The following TNS4 variants were observed in gnomAD, a reference collection of about 807,000 sequenced individuals.
TNS4 encodes the protein tensin 4, also known as tensin-4.
TNS4 carries 46 observed loss-of-function variants against 70.4 expected under a neutral mutation model. The observed-to-expected ratio is 0.65, with a 90% CI of 0.52 to 0.84. The LOEUF (loss-of-function observed/expected upper bound fraction) is 0.84, where lower values mean the gene tolerates loss of function less well. TNS4 is among the 40% of genes least tolerant of loss of function. The pLI, the probability that TNS4 is intolerant of heterozygous loss-of-function variation, is 0.00. For synonymous variants in TNS4, 390 were observed against 366.6 expected, an observed-to-expected ratio of 1.06 and a Z score of -0.73; for missense variants, 863 against 907.0, an observed-to-expected ratio of 0.95 and a Z score of 0.62.
At chr17:40,493,109 G>A (rs1014930649) in intron 2 of TNS4, among the ~76,000 whole-genome samples, 1 of 152,116 alleles carries the variant, frequency 6.6e-6, no homozygotes, top group Admixed American at 6.5e-5. Flanking sequence ...CAAGGCTGCA[G>A]TGAGCTATGA....
chr17:40,485,588 T>A, intron 4 of TNS4, among the ~76,000 whole-genome samples: 1 of 152,360 alleles, frequency 6.6e-6, no homozygotes, highest in East Asian at 1.9e-4. Context: ...GGGTCTTTAA[T>A]GTTCTAGTAG....
At position 40,482,324 on chromosome 17, in the gene TNS4, C is replaced by A; in HGVS notation, c.1594G>T (p.Gly532Trp). ...LKGADEEPYFGSLSAFVCQHS... is the reference protein window; with the variant it reads ...LKGADEEPYFWSLSAFVCQHS... ...GAGCCTGGAGGCTGGGGAGTCTCAC[C>A]AAAGTAGGGCTCCTCATCTGCTCCT... Residue 532 changes from glycine (G) to tryptophan (W), a missense_variant and splice_region_variant, in exon 7 of 13, where the codon GGG becomes TGG. Physicochemically the swap from Gly to Trp is radical, Grantham distance 184. Transcript: ENST00000254051. The A allele has an allele frequency of 6.2e-7, 1 of 1,614,164 alleles. No individual in the cohort carries two copies. The highest frequency in any genetic ancestry group is 1.3e-5 in the African/African-American group (1 of 75,054).
chr17:40,492,595 GTT>G (rs1193528841), intron 2 of TNS4, among the ~76,000 whole-genome samples: 2,652 of 126,670 alleles, frequency 0.021, 79 homozygotes, highest in African/African-American at 0.071. Context: ...ACATGGACTA[GTT>G]TTTTTTTTTT....
In TNS4 at chr17:40,488,950, C is replaced by A; in HGVS notation, c.459G>T (p.Val153=). 1 of 1,589,094 alleles carries A rather than the reference C, an allele frequency of 6.3e-7. No individual in the cohort carries two copies. Among genetic ancestry groups the A allele is most frequent in the South Asian group, 1.1e-5 (1 of 89,286 alleles). The change falls in exon 3 of 13, where the codon GTG becomes GTT. Residue 153 remains valine, a synonymous_variant. Coordinates refer to ENST00000254051, the MANE Select transcript of TNS4 (RefSeq NM_032865.6). The part of the protein sequence containing the change: ...SEALDIKYIE[V]TSARSRCHDG... ...CGTGGCACCTTGATCTGGCGGAGGTCACCTCGATGTACTTTATGTCTTTGG... is the reference window on the plus strand; with the variant it reads ...CGTGGCACCTTGATCTGGCGGAGGTAACCTCGATGTACTTTATGTCTTTGG...
intron 11 of TNS4, 68 bp downstream of exon 11, chr17:40,478,512 G>T: frequency 6.3e-7 from 1 of 1,595,372 alleles, no homozygotes; most frequent in Admixed American, 1.7e-5. Flanking sequence ...GCCCAGAGTC[G>T]GCAGGACGCC....
intron 2 of TNS4, among the ~76,000 whole-genome samples, chr17:40,493,041 C>T (rs1176872452): frequency 6.6e-6 from 1 of 151,934 alleles, no homozygotes; most frequent in African/African-American, 2.4e-5. Flanking sequence ...GTGACATGTG[C>T]CTGTAGTCCC....
At chr17:40,484,658 C>T (rs2035968912) in intron 5 of TNS4, 49 bp from the exon 6 acceptor site, 1 of 1,605,378 alleles carries the variant, frequency 6.2e-7, no homozygotes, top group Admixed American at 1.7e-5. Flanking sequence ...CCTGGACACC[C>T]TGTCCCCAGC....
At chr17:40,489,796 C>CAAAAA (rs11463268) in intron 2 of TNS4, among the ~76,000 whole-genome samples, 1 of 105,624 alleles carries the variant, frequency 9.5e-6, no homozygotes, top group South Asian at 3.5e-4. Flanking sequence ...GCCCCATCTC[C>CAAAAA]AAAAAAAAAA....
intron 2 of TNS4, among the ~76,000 whole-genome samples, chr17:40,493,483 G>A (rs766798168): frequency 1.3e-5 from 2 of 152,212 alleles, no homozygotes; most frequent in Non-Finnish European, 2.9e-5. Flanking sequence ...GGTGTCTGCT[G>A]TTCTTAGTGA....
At chr17:40,478,199 C>T (rs1049092235) in intron 12 of TNS4, 108 bp downstream of exon 12, 8 of 1,423,068 alleles carry the variant, frequency 5.6e-6, no homozygotes, top group Middle Eastern at 1.9e-4. Flanking sequence ...GGACCAGGGC[C>T]TGTGCCCTCA....
chr17:40,488,955 C>T lies in TNS4; in HGVS notation c.454G>A (p.Glu152Lys), dbSNP rs770132112. 1.0e-5 allele frequency: 16 copies of T among 1,582,142 alleles called. No homozygotes were observed. Among genetic ancestry groups the T allele is most frequent in the East Asian group, 4.5e-5 (2 of 44,560 alleles). Residue 152 changes from glutamate to lysine, a missense_variant, in exon 3 of 13, where the codon GAG becomes AAG. Coordinates refer to ENST00000254051, the MANE Select transcript of TNS4 (RefSeq NM_032865.6). ...ESEALDIKYI[E>K]VTSARSRCHD... ...CACCTTGATCTGGCGGAGGTCACCT[C>T]GATGTACTTTATGTCTTTGGGGGAG...
intron 9 of TNS4, 129 bp downstream of exon 9, chr17:40,480,567 CAGAA>C (rs1311056657): frequency 2.3e-6 from 2 of 887,244 alleles, no homozygotes; most frequent in African/African-American, 3.5e-5. Context: ...GTTAAAGATG[CAGAA>C]ACAAAGCTGA....
At position 40,487,064 on chromosome 17, in the gene TNS4, T is replaced by C; in HGVS notation, c.1260A>G (p.Ser420=). The stretch of plus-strand genomic sequence containing the variant: ...CTGGGCATGTGGTAAAGGGGGCATC[T>C]GACAGGGTCTGGCTGTTGCTCCTGG... ...PATRSNSQTL[S]DAPFTTCPEG... Residue 420 remains serine, a synonymous_variant, in exon 4 of 13, where the codon TCA becomes TCG. Transcript: ENST00000254051. The C allele has an allele frequency of 6.2e-7, 1 of 1,614,196 alleles. No individual in the cohort carries two copies. Among genetic ancestry groups the C allele is most frequent in the East Asian group, 2.2e-5 (1 of 44,882 alleles).
At chr17:40,487,962 C>T (rs77038344) in intron 3 of TNS4, among the ~76,000 whole-genome samples, 12,495 of 152,308 alleles carry the variant, frequency 0.082, 530 homozygotes, top group African/African-American at 0.095. Flanking sequence ...TGTGGAATCC[C>T]CAGCCTCTGT....
intron 2 of TNS4, among the ~76,000 whole-genome samples, chr17:40,489,613 G>A (rs2036040118): frequency 6.6e-6 from 1 of 152,070 alleles, no homozygotes; most frequent in African/African-American, 2.4e-5. Context: ...TTCAAGACCA[G>A]CCTGGCCAAC....
intron 1 of TNS4, among the ~76,000 whole-genome samples, chr17:40,497,372 G>A (rs1202633636): frequency 6.6e-6 from 1 of 152,214 alleles, no homozygotes. Flanking sequence ...GGGAGTCTGA[G>A]GTGGGCTGAT....
chr17:40,479,242 G>A (rs1489546334), intron 10 of TNS4, among the ~76,000 whole-genome samples: 9 of 152,152 alleles, frequency 5.9e-5, no homozygotes, highest in Admixed American at 5.9e-4. Flanking sequence ...CCGCCTCCTG[G>A]GTTCAAGCAA....
At chr17:40,500,455 G>A (rs781753584) in intron 1 of TNS4, among the ~76,000 whole-genome samples, 3 of 152,120 alleles carry the variant, frequency 2.0e-5, no homozygotes, top group African/African-American at 7.2e-5. Context: ...CCCTGGGCCC[G>A]GGGCTCTGTG....
chr17:40,488,634 G>T lies in TNS4; in HGVS notation c.775C>A (p.Arg259=). ...PLVASPRLEK[R]LGGLAPQRGS... is the part of the protein sequence containing the mutation. ...CGCTGTGGGGCCAGGCCTCCCAGCCGCTTCTCCAGTCTTGGAGAAGCCACC... is the reference window on the plus strand; with the variant it reads ...CGCTGTGGGGCCAGGCCTCCCAGCCTCTTCTCCAGTCTTGGAGAAGCCACC... Residue 259 remains arginine (R), a synonymous_variant, in exon 3 of 13, where the codon CGG becomes AGG. Transcript: ENST00000254051. 1.3e-6 allele frequency: 2 copies of T among 1,530,424 alleles called. No homozygotes were observed. Among genetic ancestry groups the T allele is most frequent in the Middle Eastern group, 1.8e-4 (1 of 5,662 alleles). 94.8% of individuals were successfully genotyped at this position (1,530,424 alleles called of 1,614,324 possible).
Sources: allele counts gnomAD v4.1 joint callset (sites outside exome capture counted in the v4.1 genomes callset), GRCh38; gene constraint gnomAD v4.1.1; transcripts MANE v1.5; gene names NCBI Gene and HGNC (gene_info 2026-07-23, HGNC 2026-07-21).